Variants in FOXP2 observed in about 807,000 individuals in gnomAD.
The protein encoded by FOXP2 is forkhead box protein P2.
A neutral mutation model predicts 115.8 loss-of-function variants in FOXP2; 12 were observed. The observed-to-expected ratio is 0.10, with a 90% CI of 0.07 to 0.17. The LOEUF is 0.17. FOXP2 is among the 10% of genes least tolerant of loss of function. The probability of loss-of-function intolerance (pLI) is 1.00; values close to 1 mark genes in which losing one functional copy is unlikely to be tolerated. For synonymous variants in FOXP2, 328 were observed against 297.7 expected (o/e 1.10, Z -1.05); for missense variants, 629 against 843.5 (o/e 0.75, Z 3.15).
intron 1 of FOXP2, among the ~76,000 whole-genome samples, chr7:114,164,425 A>T (rs1163436903): frequency 6.7e-6 from 1 of 150,004 alleles, no homozygotes; most frequent in Admixed American, 6.6e-5. Flanking sequence ...GCTCACTGCA[A>T]CCTCCCCCTC....
At chr7:114,322,723 A>G (rs1170201970) in intron 2 of FOXP2, among the ~76,000 whole-genome samples, 14 of 152,198 alleles carry the variant, frequency 9.2e-5, no homozygotes, top group Admixed American at 9.2e-4. Flanking sequence ...AAAATGTGGT[A>G]CTTTATCTCA....
rs923678500 is a variant in FOXP2 at position 114,578,468 on chromosome 7, A to G, written c.258+43762A>G. Among the ~76,000 whole-genome samples, 15 of 152,094 alleles carry G rather than the reference A, an allele frequency of 9.9e-5. 1 individual carries two copies. The highest frequency in any genetic ancestry group is 2.7e-4 in the African/African-American group (11 of 41,450). On this transcript the variant is annotated intron_variant, in intron 3 of 16. Transcript: ENST00000350908. ...AAAAAAGTGTTAAAGAATAAAAGTG[A>G]CTTCCTTAATATCTCCCCATTATTA...
intron 2 of FOXP2, among the ~76,000 whole-genome samples, chr7:114,314,623 T>C (rs1797229770): frequency 6.6e-6 from 1 of 152,236 alleles, no homozygotes; most frequent in Non-Finnish European, 1.5e-5. Flanking sequence ...AAGGCTATCT[T>C]GTTCATCTTT....
intron 3 of FOXP2, among the ~76,000 whole-genome samples, chr7:114,579,641 C>T (rs1801746808): frequency 6.6e-6 from 1 of 152,240 alleles, no homozygotes; most frequent in East Asian, 1.9e-4. Context: ...AACTCAGTTA[C>T]TGTTGCACAT....
At chr7:114,110,666 T>C (rs1347322984) in intron 1 of FOXP2, among the ~76,000 whole-genome samples, 2 of 152,184 alleles carry the variant, frequency 1.3e-5, no homozygotes, top group African/African-American at 4.8e-5. Context: ...TGGACATTTC[T>C]TATGATTATA....
chr7:114,576,667 A>T (rs533696696), intron 3 of FOXP2, among the ~76,000 whole-genome samples: 2 of 152,058 alleles, frequency 1.3e-5, no homozygotes, highest in Admixed American at 1.3e-4. Context: ...TATGGTGCTT[A>T]TTAGGACAGA....
At chr7:114,415,592 A>C (rs970156588) in intron 1 of FOXP2, among the ~76,000 whole-genome samples, 1 of 151,954 alleles carries the variant, frequency 6.6e-6, no homozygotes, top group Non-Finnish European at 1.5e-5. Flanking sequence ...AGCTATCACT[A>C]GTAAAGACAG....
chr7:114,667,420 CTCTA>C (rs1807225945), intron 16 of FOXP2: 1 of 151,972 alleles, frequency 6.6e-6, no homozygotes, highest in African/African-American at 2.4e-5. Flanking sequence ...CAGAGTGAGA[CTCTA>C]TCTGTCTCTA....
rs904983239 is a variant in FOXP2, at chr7:114,453,021, G to A, written c.168+26342G>A. Among the ~76,000 whole-genome samples, 8 of 152,008 alleles carry A rather than the reference G, an allele frequency of 5.3e-5. No homozygotes were observed. In the East Asian group the frequency reaches 1.5e-3, roughly 29 times the overall value. On this transcript the variant is annotated intron_variant, in intron 2 of 16. Coordinates refer to ENST00000350908, the MANE Select transcript of FOXP2 (RefSeq NM_014491.4). ...TCTATTTGTTAAAAATAAATATTGA[G>A]CTTCTGTTATCTTCAAAACTCTCTG... is the stretch of plus-strand genomic sequence containing the variant.
intron 1 of FOXP2, among the ~76,000 whole-genome samples, chr7:114,140,420 G>T (rs1400359394): frequency 6.6e-6 from 1 of 152,138 alleles, no homozygotes; most frequent in Non-Finnish European, 1.5e-5. Context: ...GGAGCCTGAC[G>T]TGCACGGTTT....
chr7:114,087,054 A>C (rs1799435105), upstream of FOXP2, among the ~76,000 whole-genome samples: 1 of 149,768 alleles, frequency 6.7e-6, no homozygotes, highest in African/African-American at 2.5e-5. Flanking sequence ...TCCTCCCCGC[A>C]CCCCCACCCC....
intron 5 of FOXP2, 125 bp from the exon 6 acceptor site, chr7:114,631,403 C>G: frequency 6.7e-7 from 1 of 1,498,602 alleles, no homozygotes; most frequent in East Asian, 2.5e-5. Context: ...TGCCCCTGAA[C>G]TTTGACTATG....
chr7:114,526,561 C>T (rs1235436101), intron 2 of FOXP2, among the ~76,000 whole-genome samples: 1 of 151,762 alleles, frequency 6.6e-6, no homozygotes, highest in African/African-American at 2.4e-5. Context: ...CAGAAGTAAT[C>T]AAAACAATTG....
At chr7:114,357,507 A>G (rs1791644635) in intron 2 of FOXP2, among the ~76,000 whole-genome samples, 1 of 152,174 alleles carries the variant, frequency 6.6e-6, no homozygotes, top group Non-Finnish European at 1.5e-5. Flanking sequence ...TCCTAAGGCT[A>G]ATCCTAAGGC....
At chr7:114,580,586 AAAAACAAAAAC>A (rs757663727) in intron 3 of FOXP2, among the ~76,000 whole-genome samples, 3 of 152,264 alleles carry the variant, frequency 2.0e-5, no homozygotes, top group Admixed American at 6.5e-5. Context: ...GTCTCAAAAC[AAAAACAAAAAC>A]AAAACAAAAC....
At chr7:114,287,956 A>G (rs1562855074) in intron 1 of FOXP2, 2 of 396,752 alleles carry the variant, frequency 5.0e-6, no homozygotes, top group Non-Finnish European at 1.0e-5. Context: ...TCACTGCACT[A>G]ATTGTGATGT....
At chr7:114,642,803 TATA>T (rs1187617851) in intron 7 of FOXP2, among the ~76,000 whole-genome samples, 180 bp downstream of exon 7, 6,016 of 45,340 alleles carry the variant, frequency 0.13, 765 homozygotes, top group South Asian at 0.26. Context: ...TATATATATA[TATA>T]TATATATTTT....
intron 2 of FOXP2, among the ~76,000 whole-genome samples, chr7:114,355,027 A>G (rs910907502): frequency 1.3e-5 from 2 of 152,214 alleles, no homozygotes; most frequent in African/African-American, 4.8e-5. Flanking sequence ...ACAATATATG[A>G]CATATCTATA....
chr7:114,443,012 C>T (rs1794677068), intron 2 of FOXP2, among the ~76,000 whole-genome samples: 1 of 152,144 alleles, frequency 6.6e-6, no homozygotes, highest in South Asian at 2.1e-4. Flanking sequence ...GAGCAAAGAA[C>T]TGCCTTTATG....
Sources: gnomAD v4.1 joint callset for allele counts (sites outside exome capture counted in the v4.1 genomes callset) on GRCh38, gnomAD v4.1.1 for gene constraint, MANE v1.5 for transcripts, NCBI Gene and HGNC (gene_info 2026-07-23, HGNC 2026-07-21) for gene names.